The following PTPRD variants were observed in gnomAD, a reference collection of about 807,000 sequenced individuals.
PTPRD encodes the protein receptor-type tyrosine-protein phosphatase delta.
PTPRD carries 34 observed loss-of-function variants against 214.5 expected under a neutral mutation model. The observed-to-expected ratio is 0.16, with a 90% CI of 0.12 to 0.21. The LOEUF (loss-of-function observed/expected upper bound fraction) is 0.21. Ranked by LOEUF, PTPRD falls within the 10% of genes least tolerant of loss-of-function variation. The pLI is 1.00. For synonymous variants in PTPRD, 1,128 were observed against 845.7 expected, an observed-to-expected ratio of 1.33 and a Z score of -5.79; for missense variants, 2,545 against 2,398.7, an observed-to-expected ratio of 1.06 and a Z score of -1.27.
At chr9:9,934,539 C>G (rs1404132621) in intron 5 of PTPRD, among the ~76,000 whole-genome samples, 1 of 151,188 alleles carries the variant, frequency 6.6e-6, no homozygotes, top group East Asian at 1.9e-4. Context: ...GAAGTTGAAT[C>G]TCTGAATAGA....
intron 3 of PTPRD, among the ~76,000 whole-genome samples, chr9:10,199,088 C>T (rs1007486188): frequency 6.6e-6 from 1 of 151,464 alleles, no homozygotes; most frequent in Non-Finnish European, 1.5e-5. Flanking sequence ...TTCAAATCCT[C>T]TTTCATGGTA....
chr9:10,135,114 G>A (rs1032713613), intron 3 of PTPRD, among the ~76,000 whole-genome samples: 1 of 152,182 alleles, frequency 6.6e-6, no homozygotes, highest in African/African-American at 2.4e-5. Context: ...AGACCAACCT[G>A]AGGAAAGAAT....
chr9:9,820,682 G>C (rs1223958153), intron 5 of PTPRD, among the ~76,000 whole-genome samples: 1 of 152,062 alleles, frequency 6.6e-6, no homozygotes, highest in Non-Finnish European at 1.5e-5. Flanking sequence ...TAGGAGTCCA[G>C]TTTCATTCTT....
intron 3 of PTPRD, among the ~76,000 whole-genome samples, chr9:10,337,356 G>C (rs2096861820): frequency 2.0e-5 from 3 of 151,574 alleles, no homozygotes; most frequent in Admixed American, 1.3e-4. Context: ...AGCACACTTT[G>C]CTCTTCCTGA....
At chr9:10,059,784 T>TA (rs5896364) in intron 3 of PTPRD, among the ~76,000 whole-genome samples, 36,882 of 148,370 alleles carry the variant, frequency 0.25, 4,552 homozygotes, top group South Asian at 0.33. Flanking sequence ...TTTAAGAAAT[T>TA]AAAAAAAAAA....
chr9:10,179,550 A>G (rs563696177), intron 3 of PTPRD, among the ~76,000 whole-genome samples: 1 of 152,170 alleles, frequency 6.6e-6, no homozygotes, highest in Non-Finnish European at 1.5e-5. Context: ...TATTTTGAGG[A>G]AAAGGGGTCA....
chr9:10,518,777 C>T (rs2051064140), intron 2 of PTPRD, among the ~76,000 whole-genome samples: 1 of 151,928 alleles, frequency 6.6e-6, no homozygotes, highest in Non-Finnish European at 1.5e-5. Flanking sequence ...CGTGATCTGC[C>T]CGCCTTGGCC....
chr9:8,716,187 G>C (rs2098434247), intron 12 of PTPRD, among the ~76,000 whole-genome samples: 1 of 152,166 alleles, frequency 6.6e-6, no homozygotes, highest in Non-Finnish European at 1.5e-5. Flanking sequence ...AGAAGAGAGG[G>C]GGAGCCTCTC....
At chr9:10,482,664 C>A (rs928535426) in intron 2 of PTPRD, among the ~76,000 whole-genome samples, 24 of 152,038 alleles carry the variant, frequency 1.6e-4, no homozygotes, top group African/African-American at 5.6e-4. Context: ...CTGTTATACA[C>A]CAACAATGAC....
intron 2 of PTPRD, among the ~76,000 whole-genome samples, chr9:10,427,643 G>A (rs1363902792): frequency 6.6e-6 from 1 of 152,098 alleles, no homozygotes; most frequent in Non-Finnish European, 1.5e-5. Context: ...CAAAGCCTGA[G>A]CGGACATGTA....
intron 7 of PTPRD, among the ~76,000 whole-genome samples, chr9:9,658,459 T>C (rs1242481974): frequency 6.6e-6 from 1 of 152,194 alleles, no homozygotes; most frequent in Non-Finnish European, 1.5e-5. Context: ...TTTCCTTCTT[T>C]ACTGTTTTTC....
intron 4 of PTPRD, among the ~76,000 whole-genome samples, chr9:9,949,546 AT>A (rs2153991377): frequency 6.6e-6 from 1 of 152,184 alleles, no homozygotes; most frequent in African/African-American, 2.4e-5. Context: ...TTTCCCAGGG[AT>A]AATGCTACTC....
At chr9:9,666,197 T>C (rs1275259077) in intron 7 of PTPRD, among the ~76,000 whole-genome samples, 1 of 151,918 alleles carries the variant, frequency 6.6e-6, no homozygotes, top group Admixed American at 6.6e-5. Flanking sequence ...AAACAGGAAA[T>C]GATTAATGCC....
intron 30 of PTPRD, among the ~76,000 whole-genome samples, chr9:8,476,214 C>G (rs2096761425): frequency 6.6e-6 from 1 of 152,162 alleles, no homozygotes; most frequent in Non-Finnish European, 1.5e-5. Context: ...AACTGTTCCA[C>G]CTCAGATCAT....
chr9:8,797,154 A>T (rs910984704), intron 11 of PTPRD: 1 of 152,164 alleles, frequency 6.6e-6, no homozygotes, highest in Non-Finnish European at 1.5e-5. Context: ...AGCTTTTCGA[A>T]TTTGTCTAGC....
chr9:9,709,879 A>T (rs533493974), intron 7 of PTPRD, among the ~76,000 whole-genome samples: 1 of 152,058 alleles, frequency 6.6e-6, no homozygotes. Context: ...CTTCCTGAGG[A>T]AACCTGTTTA....
intron 4 of PTPRD, among the ~76,000 whole-genome samples, chr9:10,016,194 C>T (rs1426329740): frequency 9.9e-5 from 15 of 152,156 alleles, no homozygotes; most frequent in Admixed American, 5.9e-4. Flanking sequence ...TTCTTCTTTT[C>T]GGCAAGTATT....
intron 7 of PTPRD, among the ~76,000 whole-genome samples, chr9:9,637,697 T>C (rs1485154214): frequency 1.3e-5 from 2 of 152,188 alleles, no homozygotes; most frequent in African/African-American, 4.8e-5. Flanking sequence ...TCTATAGTTC[T>C]GGGGTCTTTG....
intron 8 of PTPRD, among the ~76,000 whole-genome samples, chr9:9,549,174 T>G (rs2079572647): frequency 6.6e-6 from 1 of 152,120 alleles, no homozygotes. Flanking sequence ...CTTAATCATT[T>G]TTTAAAATTC....
Sources: allele counts gnomAD v4.1 joint callset (sites outside exome capture counted in the v4.1 genomes callset), GRCh38; gene constraint gnomAD v4.1.1; transcripts MANE v1.5; gene names NCBI Gene and HGNC (gene_info 2026-07-23, HGNC 2026-07-21).